Variants in RANBP10 observed in about 807,000 individuals in gnomAD.
RANBP10 encodes the protein RAN binding protein 10, also known as ran-binding protein 10.
RANBP10 carries 24 observed loss-of-function variants against 72.8 expected under a neutral mutation model. That is an observed-to-expected ratio of 0.33 (90% CI 0.24 to 0.46). The LOEUF is 0.46. Ranked by LOEUF, RANBP10 falls within the 20% of genes least tolerant of loss-of-function variation. RANBP10 has a pLI of 1.00. For missense variants in RANBP10, 679 were observed against 817.5 expected (o/e 0.83, Z 2.07); for synonymous variants, 310 against 322.3 (o/e 0.96, Z 0.41).
chr16:67,788,623 C>G lies in RANBP10; in HGVS notation c.348-16537G>C, dbSNP rs961271422. On this transcript the variant is annotated intron_variant, in intron 2 of 13. Transcript: ENST00000317506. ...ACCAGGATGGTCTTGATCTCCTGAC[C>G]TCGTGATCTGCCTGCCTTGGCCTCC... Among the ~76,000 whole-genome samples the G allele has an allele frequency of 2.6e-5, 4 of 151,882 alleles. No individual in the cohort carries two copies. The East Asian group carries it at 7.8e-4, about 30-fold the overall frequency.
At chr16:67,774,544 C>T (rs1370958251) in intron 2 of RANBP10, among the ~76,000 whole-genome samples, 2 of 152,134 alleles carry the variant, frequency 1.3e-5, no homozygotes, top group African/African-American at 4.8e-5. Context: ...GCTCGGGAGC[C>T]TCTGTACAAA....
intron 2 of RANBP10, among the ~76,000 whole-genome samples, chr16:67,803,850 A>AAG (rs1426267495): frequency 2.4e-3 from 364 of 148,914 alleles, no homozygotes; most frequent in African/African-American, 8.3e-3. Context: ...AAAAAAAAAA[A>AAG]AGAGAGAGAG....
intron 3 of RANBP10, among the ~76,000 whole-genome samples, chr16:67,767,005 G>A (rs942704204): frequency 2.6e-5 from 4 of 152,196 alleles, no homozygotes; most frequent in Non-Finnish European, 5.9e-5. Context: ...ACAAAGACAA[G>A]TGCAATATCC....
At chr16:67,771,339 TTTTA>T (rs946625839) in intron 3 of RANBP10, among the ~76,000 whole-genome samples, 3 of 151,958 alleles carry the variant, frequency 2.0e-5, no homozygotes, top group African/African-American at 7.2e-5. Flanking sequence ...CTTTGATCTT[TTTTA>T]TTTATTTTAT....
At chr16:67,727,930 AG>A (rs1316583275) in intron 11 of RANBP10, 34 bp from the exon 12 acceptor site, 6 of 1,609,238 alleles carry the variant, frequency 3.7e-6, no homozygotes, top group Admixed American at 1.7e-5. Context: ...ACGTGTTAGG[AG>A]GGGTGAAGAG....
intron 2 of RANBP10, among the ~76,000 whole-genome samples, chr16:67,774,230 A>C (rs777526956): frequency 6.6e-6 from 1 of 152,254 alleles, no homozygotes; most frequent in African/African-American, 2.4e-5. Context: ...GCTATGCCCA[A>C]CACCACATGT....
At chr16:67,806,145 G>T (rs1332444868) in intron 1 of RANBP10, among the ~76,000 whole-genome samples, 157 bp downstream of exon 1, 1 of 152,206 alleles carries the variant, frequency 6.6e-6, no homozygotes, top group Non-Finnish European at 1.5e-5. Context: ...TCAGCCCTCG[G>T]CCTGTTCAGC....
At chr16:67,767,425 C>A (rs966077618) in intron 3 of RANBP10, among the ~76,000 whole-genome samples, 1 of 146,360 alleles carries the variant, frequency 6.8e-6, no homozygotes, top group Non-Finnish European at 1.5e-5. Context: ...CCACTATACT[C>A]CAAGCTGGGC....
rs1317657125 is a variant in RANBP10, at chr16:67,730,800, A to T, written c.889+672T>A. ...CAGGCTTGGAGAGGGGTAGGCAGGC[A>T]CTCACAGACACGCATATCCACACCC... On this transcript the variant is annotated intron_variant, in intron 7 of 13. Coordinates refer to ENST00000317506, the MANE Select transcript of RANBP10 (RefSeq NM_020850.3). The surrounding 1 kb of genome is among the most constrained non-coding windows in gnomAD (Gnocchi z 4.3). Among the ~76,000 whole-genome samples, 1 of 151,924 alleles carries T rather than the reference A, an allele frequency of 6.6e-6. No individual in the cohort carries two copies. Among genetic ancestry groups the T allele is most frequent in the Admixed American group, 6.6e-5 (1 of 15,250 alleles).
chr16:67,767,454 CAAAAAA>C (rs1178049394), intron 3 of RANBP10, among the ~76,000 whole-genome samples: 1 of 64,072 alleles, frequency 1.6e-5, no homozygotes, highest in Non-Finnish European at 3.5e-5. Context: ...GACCCTGTTT[CAAAAAA>C]AAAAAAAAAA....
chr16:67,779,528 A>G (rs1416990756), intron 2 of RANBP10, among the ~76,000 whole-genome samples: 2 of 152,190 alleles, frequency 1.3e-5, no homozygotes, highest in Non-Finnish European at 2.9e-5. Context: ...ATACTGCAGT[A>G]TCTTTGCATC....
intron 13 of RANBP10, among the ~76,000 whole-genome samples, chr16:67,726,855 GC>G (rs1382328079): frequency 6.6e-6 from 1 of 152,226 alleles, no homozygotes. Flanking sequence ...AACCATGGGA[GC>G]CCAGGAGTCC....
chr16:67,727,288 ACT>A (rs759926608), intron 13 of RANBP10, 37 bp downstream of exon 13: 15 of 1,547,038 alleles, frequency 9.7e-6, no homozygotes, highest in Middle Eastern at 3.5e-4. Flanking sequence ...TACAGAGCAG[ACT>A]CTGTCTCTAA....
chr16:67,802,895 T>C (rs1801961428), intron 2 of RANBP10, among the ~76,000 whole-genome samples: 1 of 152,154 alleles, frequency 6.6e-6, no homozygotes, highest in African/African-American at 2.4e-5. Flanking sequence ...TCCAGGTCTC[T>C]AAGTGTAAAC....
intron 4 of RANBP10, among the ~76,000 whole-genome samples, chr16:67,743,513 C>T (rs574334287): frequency 1.7e-4 from 26 of 152,316 alleles, no homozygotes; most frequent in Non-Finnish European, 2.2e-4. Context: ...TAAATGTCTA[C>T]GCATGTACAG....
In RANBP10 at chr16:67,776,581, T is replaced by C. The variant is rs962050566; in HGVS notation, c.348-4495A>G. 2.7e-5 allele frequency among the ~76,000 whole-genome samples: 4 copies of C among 150,262 alleles called. No individual in the cohort carries two copies. The Admixed American group carries it at 2.7e-4, about 10-fold the overall frequency. On this transcript the variant is annotated intron_variant, in intron 2 of 13. Coordinates refer to ENST00000317506, the MANE Select transcript of RANBP10 (RefSeq NM_020850.3). ...TGAGGTCAGGAGTTCAAGATCAGCCTGGCCAACATGGTGAAACCCTGTCTC... is the reference window on the plus strand; with the variant it reads ...TGAGGTCAGGAGTTCAAGATCAGCCCGGCCAACATGGTGAAACCCTGTCTC...
intron 2 of RANBP10, 51 bp from the exon 3 acceptor site, chr16:67,772,137 C>T: frequency 6.4e-7 from 1 of 1,555,150 alleles, no homozygotes; most frequent in Non-Finnish European, 8.7e-7. Flanking sequence ...AGCAAATGCT[C>T]ATGCGTCTCC....
chr16:67,757,699 A>AT (rs536206906), intron 3 of RANBP10, among the ~76,000 whole-genome samples: 3 of 152,150 alleles, frequency 2.0e-5, no homozygotes, highest in Admixed American at 6.5e-5. Flanking sequence ...AGCAAAAGAG[A>AT]TTTTTTTTCA....
At chr16:67,793,390 C>T (rs569222298) in intron 2 of RANBP10, among the ~76,000 whole-genome samples, 21 of 150,108 alleles carry the variant, frequency 1.4e-4, no homozygotes, top group South Asian at 1.3e-3. Context: ...CGGCTCATTG[C>T]AACCTCCGCT....
Sources: allele counts gnomAD v4.1 joint callset (sites outside exome capture counted in the v4.1 genomes callset), GRCh38; gene constraint gnomAD v4.1.1; non-coding constraint Gnocchi (gnomAD v3.1); transcripts MANE v1.5; gene names NCBI Gene and HGNC (gene_info 2026-07-23, HGNC 2026-07-21).